SCARF2: variants seen among roughly 807,000 people sequenced by gnomAD.
SCARF2 encodes the protein scavenger receptor expressed by endothelial cells 2 protein.
A neutral mutation model predicts 73.4 loss-of-function variants in SCARF2; 39 were observed. That is an observed-to-expected ratio of 0.53 (90% CI 0.41 to 0.69). SCARF2 has a LOEUF of 0.69. SCARF2 is among the 30% of genes least tolerant of loss of function. SCARF2 has a pLI of 0.00. For synonymous variants in SCARF2, 605 were observed against 590.0 expected, an observed-to-expected ratio of 1.03 and a Z score of -0.37; for missense variants, 1,148 against 1,303.5, an observed-to-expected ratio of 0.88 and a Z score of 1.84.
At position 20,426,006 on chromosome 22, in the gene SCARF2, G is replaced by A; in HGVS notation, c.1970C>T (p.Pro657Leu). 1 of 1,583,174 alleles carries A rather than the reference G, an allele frequency of 6.3e-7. No homozygotes were observed. The highest frequency in any genetic ancestry group is 8.5e-7 in the Non-Finnish European group (1 of 1,171,730). Reference sequence around the variant, plus strand: ...CACCTTAGGCTTGGTGGCGGGGTCAGGTGGCGGCGGTTTCCTGCGCTCGGG... The same window carrying A: ...CACCTTAGGCTTGGTGGCGGGGTCAAGTGGCGGCGGTTTCCTGCGCTCGGG... ...PSPERRKPPP[P>L]DPATKPKVSW... Residue 657 changes from proline (P) to leucine (L), a missense_variant, in exon 11 of 11, where the codon CCT (proline) becomes CTT (leucine). Physicochemically the swap from Pro to Leu is moderately conservative, Grantham distance 98. Transcript: ENST00000622235.
intron 1 of SCARF2, among the ~76,000 whole-genome samples, chr22:20,435,864 G>C (rs528359081): frequency 2.8e-4 from 42 of 152,374 alleles, no homozygotes; most frequent in Middle Eastern, 3.4e-3. Flanking sequence ...GCCTGGCACA[G>C]TGTAGGTGCA....
chr22:20,435,615 GC>G (rs1314000888), intron 1 of SCARF2, among the ~76,000 whole-genome samples: 2 of 152,128 alleles, frequency 1.3e-5, no homozygotes, highest in Non-Finnish European at 2.9e-5. Context: ...ACTTCCACAG[GC>G]CCTCTGCCTT....
In SCARF2 at chr22:20,424,625, C is replaced by G. The variant is rs948028533; in HGVS notation, c.*750G>C. ...TTATTAAGAAAGCTTTGGCCAAGCC[C>G]CCGCCGGGAGGAGCCCATCCTGGGG... On this transcript the variant is annotated 3_prime_UTR_variant, in exon 11 of 11. Coordinates refer to ENST00000622235, the MANE Select transcript of SCARF2 (RefSeq NM_182895.5). Among the ~76,000 whole-genome samples the G allele has an allele frequency of 6.6e-6, 1 of 152,230 alleles. No homozygotes were observed. Among genetic ancestry groups the G allele is most frequent in the Non-Finnish European group, 1.5e-5 (1 of 68,020 alleles).
In SCARF2 at chr22:20,427,821, G is replaced by T. The variant is rs374988419; in HGVS notation, c.1541-271C>A. ...GGGAGCTGGAAAAGGTTGGGCTGACGTGTTGAGAAAAGGCCAGAAAGGTGG... is the reference window on the plus strand; with the variant it reads ...GGGAGCTGGAAAAGGTTGGGCTGACTTGTTGAGAAAAGGCCAGAAAGGTGG... On this transcript the variant is annotated intron_variant, in intron 9 of 10. Coordinates refer to ENST00000622235, the MANE Select transcript of SCARF2 (RefSeq NM_182895.5). 4.5e-4 allele frequency among the ~76,000 whole-genome samples: 68 copies of T among 152,372 alleles called. No individual in the cohort carries two copies. The South Asian group carries it at 0.013, about 30-fold the overall frequency.
chr22:20,429,278 C>A lies in SCARF2; in HGVS notation c.1487G>T (p.Ser496Ile). The A allele has an allele frequency of 6.2e-7, 1 of 1,613,274 alleles. No individual in the cohort carries two copies. The highest frequency in any genetic ancestry group is 8.5e-7 in the Non-Finnish European group (1 of 1,179,824). Residue 496 changes from serine (S) to isoleucine (I), a missense_variant, in exon 9 of 11, where the codon AGC (serine) becomes ATC (isoleucine). By Grantham distance (142) the Ser-to-Ile change is moderately radical. Around this residue, in one of 5 missense-constraint regions of SCARF2, gnomAD observed 437 missense variants for 433.6 expected, o/e 1.01. Transcript: ENST00000622235. This position sits in a 1 kb window ranked among gnomAD's most constrained non-coding sequence, Gnocchi z 5.2. ...GAGCGGGATCCGGGGCAGCTTCATG[C>A]TGATGCGACTGAAGCGCCCGCATAG... ...HRLCGRFSRISMKLPRIPLRR... is the reference protein window; with the variant it reads ...HRLCGRFSRIIMKLPRIPLRR...
At chr22:20,433,710 A>C (rs2146135595) in intron 1 of SCARF2, among the ~76,000 whole-genome samples, 1 of 152,392 alleles carries the variant, frequency 6.6e-6, no homozygotes, top group Admixed American at 6.5e-5. Flanking sequence ...ACTGGAAACC[A>C]GAGACAGGAA....
chr22:20,431,719 C>A (rs1376297571), intron 3 of SCARF2, 26 bp downstream of exon 3: 14 of 1,551,264 alleles, frequency 9.0e-6, no homozygotes, highest in South Asian at 1.2e-5. Context: ...CCCCACCGAC[C>A]AATACCGGCC....
chr22:20,427,531 A>G lies in SCARF2; in HGVS notation c.1560T>C (p.Asp520=). The stretch of plus-strand genomic sequence containing the variant: ...CCAGGAAGCTGCAGTTGAGTGTGTT[A>G]TCCAGGTCGTGGTGGGCCACTGGGG... ...PKVVVAHHDL[D]NTLNCSFLEP... Residue 520 remains aspartate (D), a synonymous_variant, in exon 10 of 11, where the codon GAT becomes GAC. Coordinates refer to ENST00000622235, the MANE Select transcript of SCARF2 (RefSeq NM_182895.5). 1.9e-6 allele frequency: 3 copies of G among 1,613,538 alleles called. No individual in the cohort carries two copies. The highest frequency in any genetic ancestry group is 1.3e-5 in the African/African-American group (1 of 75,038).
intron 9 of SCARF2, among the ~76,000 whole-genome samples, chr22:20,428,294 C>T (rs2052603298): frequency 7.3e-6 from 1 of 136,710 alleles, no homozygotes; most frequent in Non-Finnish European, 1.5e-5. Flanking sequence ...CCTCTCTTCT[C>T]TTCTCTTTTT....
In SCARF2 at chr22:20,426,177, A is replaced by G. The variant is rs2052575990; in HGVS notation, c.1799T>C (p.Ile600Thr). The G allele has an allele frequency of 6.6e-7, 1 of 1,505,412 alleles. No individual in the cohort carries two copies. The highest frequency in any genetic ancestry group is 8.8e-7 in the Non-Finnish European group (1 of 1,132,656). 93.3% of individuals were successfully genotyped at this position (1,505,412 alleles called of 1,614,324 possible). A position where few individuals can be genotyped will look rare whatever the true frequency, so the allele number is the denominator to read the frequency against. ...LTTPASAEEA[I>T]PLPASSDSER... ...GCTGTCGGAGGACGCGGGGAGGGGT[A>G]TCGCCTCCTCGGCGGAGGCTGGCGT... Residue 600 changes from isoleucine (I) to threonine (T), a missense_variant, in exon 11 of 11, where the codon ATA becomes ACA. Ile to Thr is a moderately conservative substitution (Grantham distance 89). Coordinates refer to ENST00000622235, the MANE Select transcript of SCARF2 (RefSeq NM_182895.5).
rs1276857647 is a variant in SCARF2 at position 20,424,692 on chromosome 22, T to C, written c.*683A>G. 1 of 152,294 alleles carries C rather than the reference T, an allele frequency of 6.6e-6. No individual in the cohort carries two copies. Among genetic ancestry groups the C allele is most frequent in the African/African-American group, 2.4e-5 (1 of 41,466 alleles). 9.4% of individuals were successfully genotyped at this position (152,294 alleles called of 1,614,324 possible). Reference sequence around the variant, plus strand: ...AGCAGCCCTGCTGGGGGCCTATAAATACATCTCCTCAGGCCACTAGAGTCG... The same window carrying C: ...AGCAGCCCTGCTGGGGGCCTATAAACACATCTCCTCAGGCCACTAGAGTCG... On this transcript the variant is annotated 3_prime_UTR_variant, in exon 11 of 11. Coordinates refer to ENST00000622235, the MANE Select transcript of SCARF2 (RefSeq NM_182895.5).
chr22:20,426,926 CAAAA>C (rs558218482), intron 10 of SCARF2, among the ~76,000 whole-genome samples: 1 of 129,008 alleles, frequency 7.8e-6, no homozygotes, highest in Non-Finnish European at 1.7e-5. Context: ...GACTCCGTCT[CAAAA>C]AAAAAAAAAG....
In SCARF2 at chr22:20,437,629, C is replaced by G. The variant is rs1189904364; in HGVS notation, c.126G>C (p.Ala42=). 13 of 1,564,764 alleles carry G rather than the reference C, an allele frequency of 8.3e-6. No individual in the cohort carries two copies. The highest frequency in any genetic ancestry group is 1.4e-5 in the African/African-American group (1 of 73,502). The stretch of plus-strand genomic sequence containing the variant: ...GGCCGCGAGGGTTCAGTTCCTGAGG[C>G]GCCACGGTGTCCGGCAGCATCCAGA... The part of the protein sequence containing the change: ...LLLWMLPDTV[A]PQELNPRGRN... Residue 42 remains alanine, a synonymous_variant, in exon 1 of 11, where the codon GCG becomes GCC. Transcript: ENST00000622235.
At chr22:20,433,619 A>G (rs1213950847) in intron 1 of SCARF2, among the ~76,000 whole-genome samples, 1 of 152,244 alleles carries the variant, frequency 6.6e-6, no homozygotes, top group African/African-American at 2.4e-5. Flanking sequence ...GTTCTCCTTC[A>G]GGCCAAAGAT....
chr22:20,425,657 C>T lies in SCARF2; in HGVS notation c.2319G>A (p.Glu773=), dbSNP rs759611. 1 of 1,265,728 alleles carries T rather than the reference C, an allele frequency of 7.9e-7. No homozygotes were observed. The highest frequency in any genetic ancestry group is 3.2e-5 in the East Asian group (1 of 31,418). 78.4% of individuals were successfully genotyped at this position (1,265,728 alleles called of 1,614,324 possible). Residue 773 remains glutamate (E), a synonymous_variant, in exon 11 of 11, where the codon GAG becomes GAA. Coordinates refer to ENST00000622235, the MANE Select transcript of SCARF2 (RefSeq NM_182895.5). This position sits in a 1 kb window ranked among gnomAD's most constrained non-coding sequence, Gnocchi z 4.6. ...APEAASMLAA[E]LRGKTRSLGR... ...CCAGGCTGCGAGTCTTGCCGCGCAG[C>T]TCAGCGGCCAACATGGAGGCAGCCT...
chr22:20,434,249 G>C (rs2052675414), intron 1 of SCARF2, among the ~76,000 whole-genome samples: 1 of 152,132 alleles, frequency 6.6e-6, no homozygotes, highest in Admixed American at 6.6e-5. Context: ...AGCTGTGATG[G>C]CACCACTGCT....
In SCARF2 at chr22:20,437,698, C is replaced by T. The variant is rs1158355570; in HGVS notation, c.57G>A (p.Gly19=). The stretch of plus-strand genomic sequence containing the variant: ...GCGACGGCAGCAGCGGTGACGGCGG[C>T]CCCCCGGCTCCCCGGCGCCGCGCCG... ...AGPARRRGAG[G]PPSPLLPSLL... is the part of the protein sequence containing the mutation. The change falls in exon 1 of 11, where the codon GGG becomes GGA. Residue 19 remains glycine, a synonymous_variant. Transcript: ENST00000622235. 16 of 1,450,618 alleles carry T rather than the reference C, an allele frequency of 1.1e-5. No homozygotes were observed. The highest frequency in any genetic ancestry group is 1.4e-5 in the Non-Finnish European group (16 of 1,105,276). 89.9% of individuals were successfully genotyped at this position (1,450,618 alleles called of 1,614,324 possible). A position where few individuals can be genotyped will look rare whatever the true frequency, so the allele number is the denominator to read the frequency against.
chr22:20,431,720 A>G (rs752066057), intron 3 of SCARF2, 25 bp downstream of exon 3: 8 of 1,297,060 alleles, frequency 6.2e-6, no homozygotes, highest in Middle Eastern at 2.3e-4. Flanking sequence ...CCCACCGACC[A>G]ATACCGGCCC....
At chr22:20,430,286 G>C in intron 6 of SCARF2, 143 bp downstream of exon 6, 2 of 1,039,904 alleles carry the variant, frequency 1.9e-6, no homozygotes, top group Non-Finnish European at 2.7e-6. Context: ...CCCCCAAAGA[G>C]CCTACTGTCA....
Sources: gnomAD v4.1 joint callset for allele counts (sites outside exome capture counted in the v4.1 genomes callset) on GRCh38, gnomAD v4.1.1 for gene constraint, gnomAD v4.1.1 regional missense constraint, Gnocchi (gnomAD v3.1) non-coding constraint, MANE v1.5 for transcripts, NCBI Gene and HGNC (gene_info 2026-07-23, HGNC 2026-07-21) for gene names.